Variants in TAFA2 observed in about 807,000 individuals in gnomAD.
The protein encoded by TAFA2 is chemokine-like protein TAFA-2.
Under a neutral mutation model 18.8 loss-of-function variants are expected in TAFA2, and 7 were observed. That is an observed-to-expected ratio of 0.37 (90% CI 0.21 to 0.70). The LOEUF (loss-of-function observed/expected upper bound fraction) is 0.70. TAFA2 is among the 30% of genes least tolerant of loss of function. The pLI is 0.53. For missense variants in TAFA2, 122 were observed against 158.1 expected (o/e 0.77, Z 1.23); for synonymous variants, 60 against 54.2 (o/e 1.11, Z -0.47).
intron 1 of TAFA2, among the ~76,000 whole-genome samples, chr12:62,101,101 C>A (rs1176697273): frequency 1.3e-5 from 2 of 152,096 alleles, no homozygotes; most frequent in Non-Finnish European, 2.9e-5. Flanking sequence ...GATTACCCAA[C>A]AACAACTATC....
At chr12:61,958,197 A>C (rs1056259579) in intron 1 of TAFA2, among the ~76,000 whole-genome samples, 16 of 152,226 alleles carry the variant, frequency 1.1e-4, no homozygotes, top group African/African-American at 3.4e-4. Flanking sequence ...CTCACACAAT[A>C]ATACCTCATA....
chr12:61,897,260 A>C (rs1044985348), intron 1 of TAFA2, among the ~76,000 whole-genome samples: 5 of 152,136 alleles, frequency 3.3e-5, no homozygotes, highest in African/African-American at 9.7e-5. Flanking sequence ...GTATTATTTC[A>C]ATTTGTTTGG....
chr12:62,160,811 G>A (rs1248962934), intron 1 of TAFA2, among the ~76,000 whole-genome samples: 2 of 152,168 alleles, frequency 1.3e-5, no homozygotes, highest in Non-Finnish European at 2.9e-5. Context: ...CTAAGTGAGT[G>A]TAGGTGGGTA....
chr12:61,899,004 G>T (rs1875978459), intron 1 of TAFA2, among the ~76,000 whole-genome samples: 1 of 152,082 alleles, frequency 6.6e-6, no homozygotes, highest in Admixed American at 6.5e-5. Flanking sequence ...TCTAGGGCAG[G>T]GGCAAAATGG....
intron 1 of TAFA2, among the ~76,000 whole-genome samples, chr12:61,928,435 T>C (rs745329879): frequency 1.1e-4 from 17 of 152,190 alleles, no homozygotes; most frequent in Non-Finnish European, 2.2e-4. Flanking sequence ...TCAGTGGTCA[T>C]TAGAGAAATC....
At chr12:61,963,060 C>G (rs538956090) in intron 1 of TAFA2, among the ~76,000 whole-genome samples, 1 of 151,904 alleles carries the variant, frequency 6.6e-6, no homozygotes, top group East Asian at 1.9e-4. Flanking sequence ...TGAACTCATC[C>G]TTTTTTATGG....
rs114907561 is a variant in TAFA2, at chr12:62,143,094, T to C, written c.-2+48165A>G. 7.0e-3 allele frequency among the ~76,000 whole-genome samples: 1,063 copies of C among 152,296 alleles called. 11 individuals are homozygous for C. Among genetic ancestry groups the C allele is most frequent in the African/African-American group, 0.024 (991 of 41,556 alleles). Reference sequence around the variant, plus strand: ...CCTGCCTTTCCAAACTTCTTTGTTTTTAAGGAGACCTAAGCACTGGCTAAG... The same window carrying C: ...CCTGCCTTTCCAAACTTCTTTGTTTCTAAGGAGACCTAAGCACTGGCTAAG... On this transcript the variant is annotated intron_variant, in intron 1 of 4. Transcript: ENST00000416284.
In TAFA2 at chr12:61,974,856, C is replaced by T. The variant is rs547210456; in HGVS notation, c.-1-107430G>A. On this transcript the variant is annotated intron_variant, in intron 1 of 4. Coordinates refer to ENST00000416284, the MANE Select transcript of TAFA2 (RefSeq NM_178539.5). ...TGACTGCCTGGTAAAAAGCCTCTTA[C>T]GTCTCAATCTCCTAGGGTGAGTTCA... Among the ~76,000 whole-genome samples the T allele has an allele frequency of 3.3e-5, 5 of 151,830 alleles. No homozygotes were observed. The East Asian group carries it at 9.7e-4, about 30-fold the overall frequency.
At chr12:62,215,176 T>C (rs1447036276) in intron 1 of TAFA2, among the ~76,000 whole-genome samples, 1 of 152,198 alleles carries the variant, frequency 6.6e-6, no homozygotes, top group Non-Finnish European at 1.5e-5. Context: ...GGTTTTGGAA[T>C]TGAAGAACAA....
intron 1 of TAFA2, among the ~76,000 whole-genome samples, chr12:61,997,981 C>T (rs1282413940): frequency 6.6e-6 from 1 of 151,926 alleles, no homozygotes; most frequent in Non-Finnish European, 1.5e-5. Context: ...AAGAAAATAA[C>T]TTAGATCGAT....
intron 1 of TAFA2, among the ~76,000 whole-genome samples, chr12:62,216,946 G>C (rs1478011712): frequency 1.3e-5 from 2 of 152,148 alleles, no homozygotes; most frequent in Non-Finnish European, 2.9e-5. Context: ...ACCCTATAAG[G>C]GTTCAGGGAA....
At chr12:62,221,132 A>G (rs1012253749) in intron 1 of TAFA2, among the ~76,000 whole-genome samples, 1 of 147,128 alleles carries the variant, frequency 6.8e-6, no homozygotes, top group Admixed American at 6.8e-5. Flanking sequence ...AACAAAAACA[A>G]AACACAAGGG....
chr12:62,102,598 G>A (rs1171549075), intron 1 of TAFA2, among the ~76,000 whole-genome samples: 1 of 152,086 alleles, frequency 6.6e-6, no homozygotes, highest in Non-Finnish European at 1.5e-5. Flanking sequence ...TAAACCCCAT[G>A]AGCTGAACTA....
intron 1 of TAFA2, among the ~76,000 whole-genome samples, chr12:62,155,374 A>G (rs943327759): frequency 2.0e-5 from 3 of 152,156 alleles, no homozygotes; most frequent in African/African-American, 7.2e-5. Flanking sequence ...CCATACTAAC[A>G]AAAGCAATCT....
intron 1 of TAFA2, among the ~76,000 whole-genome samples, chr12:62,197,795 C>A (rs1472232532): frequency 6.6e-6 from 1 of 152,156 alleles, no homozygotes; most frequent in Non-Finnish European, 1.5e-5. Context: ...TTCTTTTTTA[C>A]TTCCAAGTAG....
At chr12:61,757,598 C>T (rs1264640825) in intron 2 of TAFA2, among the ~76,000 whole-genome samples, 4 of 151,522 alleles carry the variant, frequency 2.6e-5, no homozygotes, top group East Asian at 1.9e-4. Flanking sequence ...AAGATTACCA[C>T]GGAAAAGGTT....
chr12:61,788,184 G>A (rs993068215), intron 2 of TAFA2, among the ~76,000 whole-genome samples: 6 of 151,426 alleles, frequency 4.0e-5, no homozygotes, highest in Non-Finnish European at 5.9e-5. Context: ...ATCCAGTGCT[G>A]GACCACCCAA....
intron 1 of TAFA2, among the ~76,000 whole-genome samples, chr12:62,218,787 A>G (rs1314951138): frequency 6.6e-6 from 1 of 152,142 alleles, no homozygotes; most frequent in East Asian, 1.9e-4. Flanking sequence ...AAGTCAATAA[A>G]TCAGTGATAA....
At chr12:62,108,835 T>C (rs1409960383) in intron 1 of TAFA2, among the ~76,000 whole-genome samples, 1 of 152,136 alleles carries the variant, frequency 6.6e-6, no homozygotes, top group Non-Finnish European at 1.5e-5. Context: ...GAAGGAGTTG[T>C]TTTTTTCTTC....
Sources: gnomAD v4.1 joint callset for allele counts (sites outside exome capture counted in the v4.1 genomes callset) on GRCh38, gnomAD v4.1.1 for gene constraint, MANE v1.5 for transcripts, NCBI Gene and HGNC (gene_info 2026-07-23, HGNC 2026-07-21) for gene names.